The following TTC28 variants were observed in gnomAD, a reference collection of about 807,000 sequenced individuals.
The protein encoded by TTC28 is tetratricopeptide repeat protein 28.
In TTC28, 61 loss-of-function variants were observed where a neutral mutation model predicts 198.0. That is an observed-to-expected ratio of 0.31 (90% confidence interval 0.25 to 0.38). The LOEUF (loss-of-function observed/expected upper bound fraction) is 0.38. TTC28 is among the 10% of genes least tolerant of loss of function. The pLI is 1.00. For synonymous variants in TTC28, 1,171 were observed against 1,297.8 expected, an observed-to-expected ratio of 0.90 and a Z score of 2.10; for missense variants, 2,678 against 3,164.0, an observed-to-expected ratio of 0.85 and a Z score of 3.69.
intron 2 of TTC28, 42 bp from the exon 3 acceptor site, chr22:28,306,685 C>T: frequency 3.9e-6 from 6 of 1,542,438 alleles, no homozygotes; most frequent in Non-Finnish European, 5.3e-6. Flanking sequence ...GCCTGTGCTC[C>T]AACAAGGCTG....
chr22:28,537,672 G>A (rs1248039175), intron 2 of TTC28, among the ~76,000 whole-genome samples: 1 of 152,036 alleles, frequency 6.6e-6, no homozygotes, highest in Non-Finnish European at 1.5e-5. Flanking sequence ...AAAATCTAAA[G>A]TAAATTTAAA....
At chr22:28,438,430 TGA>T (rs2047557632) in intron 2 of TTC28, among the ~76,000 whole-genome samples, 1 of 152,224 alleles carries the variant, frequency 6.6e-6, no homozygotes, top group African/African-American at 2.4e-5. Context: ...AGAAATCATT[TGA>T]GAGCCAGATT....
chr22:28,208,796 G>C (rs999676262), intron 5 of TTC28, among the ~76,000 whole-genome samples: 1 of 152,006 alleles, frequency 6.6e-6, no homozygotes, highest in Non-Finnish European at 1.5e-5. Flanking sequence ...AACTGACTCC[G>C]AGAAATGATA....
intron 1 of TTC28, among the ~76,000 whole-genome samples, chr22:28,643,761 G>A (rs943220133): frequency 2.0e-5 from 3 of 152,126 alleles, no homozygotes; most frequent in African/African-American, 7.2e-5. Context: ...TATATTGTGA[G>A]TCTCCAAGAA....
intron 5 of TTC28, among the ~76,000 whole-genome samples, chr22:28,262,026 G>A (rs1473779446): frequency 6.6e-6 from 1 of 152,088 alleles, no homozygotes; most frequent in East Asian, 1.9e-4. Flanking sequence ...AGTTTGTTAT[G>A]AAAAATAGAT....
intron 5 of TTC28, among the ~76,000 whole-genome samples, chr22:28,220,211 G>A (rs1927750363): frequency 1.3e-5 from 2 of 152,230 alleles, no homozygotes; most frequent in South Asian, 4.1e-4. Flanking sequence ...TAAGCATTTA[G>A]CCAGAACAGA....
At chr22:28,250,135 A>T (rs1338886102) in intron 5 of TTC28, among the ~76,000 whole-genome samples, 1 of 152,220 alleles carries the variant, frequency 6.6e-6, no homozygotes, top group Non-Finnish European at 1.5e-5. Flanking sequence ...TAGTTTCTCT[A>T]GGAAAAACTA....
At chr22:28,274,936 G>A (rs1021233860) in intron 5 of TTC28, among the ~76,000 whole-genome samples, 6 of 135,124 alleles carry the variant, frequency 4.4e-5, no homozygotes, top group South Asian at 2.5e-4. Context: ...CTGAGATCGC[G>A]CCACTGCACT....
intron 2 of TTC28, among the ~76,000 whole-genome samples, chr22:28,576,893 G>C (rs529619336): frequency 6.6e-6 from 1 of 151,580 alleles, no homozygotes; most frequent in South Asian, 2.1e-4. Context: ...CTGGCTAAAG[G>C]TTTGTCGATT....
chr22:28,241,243 G>A (rs981960245), intron 5 of TTC28, among the ~76,000 whole-genome samples: 11 of 152,126 alleles, frequency 7.2e-5, no homozygotes, highest in Admixed American at 6.5e-5. Flanking sequence ...AATGGAAAAC[G>A]AGGATCTAAT....
At chr22:28,243,788 G>A (rs537252785) in intron 5 of TTC28, among the ~76,000 whole-genome samples, 2 of 152,250 alleles carry the variant, frequency 1.3e-5, no homozygotes, top group South Asian at 4.1e-4. Flanking sequence ...AAGGTGGGGA[G>A]AGGACATAAG....
At chr22:28,505,890 G>C (rs1033110315) in intron 2 of TTC28, among the ~76,000 whole-genome samples, 1 of 152,236 alleles carries the variant, frequency 6.6e-6, no homozygotes, top group African/African-American at 2.4e-5. Flanking sequence ...GAGTTGGAAC[G>C]GAGTTCCCGG....
chr22:27,986,734 G>T (rs1334855625), intron 21 of TTC28, among the ~76,000 whole-genome samples: 4 of 152,210 alleles, frequency 2.6e-5, no homozygotes, highest in Non-Finnish European at 5.9e-5. Flanking sequence ...TAGGCAGCCA[G>T]CCTTTTGACT....
rs1424323423 is a variant in TTC28, at chr22:28,169,346, T to A, written c.934-5747A>T. Among the ~76,000 whole-genome samples, 6 of 152,228 alleles carry A rather than the reference T, an allele frequency of 3.9e-5. No individual in the cohort carries two copies. The East Asian group carries it at 9.6e-4, about 24-fold the overall frequency. ...GGGTATATACCCAAAGGATTATAAATCATGCTGCTATAAAGACACATGCAC... is the reference window on the plus strand; with the variant it reads ...GGGTATATACCCAAAGGATTATAAAACATGCTGCTATAAAGACACATGCAC... On this transcript the variant is annotated intron_variant, in intron 5 of 22. Transcript: ENST00000397906.
At chr22:28,078,433 T>C (rs1310150478) in intron 12 of TTC28, among the ~76,000 whole-genome samples, 1 of 152,004 alleles carries the variant, frequency 6.6e-6, no homozygotes, top group Non-Finnish European at 1.5e-5. Context: ...TTAGTGAGAA[T>C]TCAGAAAGAA....
chr22:28,299,568 A>C (rs906167667), intron 3 of TTC28, among the ~76,000 whole-genome samples: 4 of 152,226 alleles, frequency 2.6e-5, no homozygotes. Context: ...GAATTGCTAG[A>C]ATACAAAAGC....
chr22:28,534,240 A>C (rs1288267767), intron 2 of TTC28, among the ~76,000 whole-genome samples: 4 of 152,210 alleles, frequency 2.6e-5, no homozygotes, highest in Non-Finnish European at 4.4e-5. Context: ...ACCCCATCAA[A>C]AAGTGGGTGA....
At chr22:28,198,305 G>A (rs868429432) in intron 5 of TTC28, among the ~76,000 whole-genome samples, 16 of 152,028 alleles carry the variant, frequency 1.1e-4, no homozygotes, top group Admixed American at 1.0e-3. Context: ...CAATCAAAAT[G>A]TCTCCAGACA....
At chr22:28,343,971 G>A (rs982557248) in intron 2 of TTC28, among the ~76,000 whole-genome samples, 1 of 152,024 alleles carries the variant, frequency 6.6e-6, no homozygotes, top group Non-Finnish European at 1.5e-5. Flanking sequence ...CCACATATAT[G>A]TATAAATTCA....
Sources: allele counts gnomAD v4.1 joint callset (sites outside exome capture counted in the v4.1 genomes callset), GRCh38; gene constraint gnomAD v4.1.1; transcripts MANE v1.5; gene names NCBI Gene and HGNC (gene_info 2026-07-23, HGNC 2026-07-21).